The following LUZP2 variants were observed in gnomAD, a reference collection of about 807,000 sequenced individuals.
The protein encoded by LUZP2 is leucine zipper protein 2.
A neutral mutation model predicts 51.6 loss-of-function variants in LUZP2; 52 were observed. The observed-to-expected ratio is 1.01, with a 90% CI of 0.81 to 1.27. The LOEUF is 1.27. LUZP2 is among the 50% of genes most tolerant of loss of function. LUZP2 has a pLI of 0.00. For missense variants in LUZP2, 436 were observed against 395.4 expected, an observed-to-expected ratio of 1.10 and a Z score of -0.87; for synonymous variants, 154 against 137.3, an observed-to-expected ratio of 1.12 and a Z score of -0.85.
intron 1 of LUZP2, among the ~76,000 whole-genome samples, chr11:24,627,216 A>G (rs1046772700): frequency 6.6e-6 from 1 of 152,198 alleles, no homozygotes; most frequent in African/African-American, 2.4e-5. Context: ...TTAATATTTA[A>G]TACCTCAAAG....
intron 1 of LUZP2, among the ~76,000 whole-genome samples, chr11:24,585,224 G>C (rs1853022228): frequency 1.3e-5 from 2 of 151,900 alleles, no homozygotes; most frequent in Non-Finnish European, 2.9e-5. Context: ...CTTCTATTCG[G>C]TGTTTATTTA....
chr11:24,529,702 C>G lies in LUZP2; in HGVS notation c.62+32397C>G, dbSNP rs996066274. Among the ~76,000 whole-genome samples, 21 of 150,922 alleles carry G rather than the reference C, an allele frequency of 1.4e-4. 2 individuals are homozygous for G. In the South Asian group the frequency reaches 3.5e-3, roughly 25 times the overall value. On this transcript the variant is annotated intron_variant, in intron 1 of 11. Transcript: ENST00000336930. ...TCTCCACAAGTAGTGAAATTTCCCCCCATTTAATAGAGCAAAAGAATATGA... is the reference window on the plus strand; with the variant it reads ...TCTCCACAAGTAGTGAAATTTCCCCGCATTTAATAGAGCAAAAGAATATGA...
intron 5 of LUZP2, among the ~76,000 whole-genome samples, chr11:24,836,075 A>C (rs1179760657): frequency 6.6e-6 from 1 of 152,026 alleles, no homozygotes; most frequent in Non-Finnish European, 1.5e-5. Context: ...GTGAGAAGAA[A>C]TTCTGACTGT....
intron 1 of LUZP2, among the ~76,000 whole-genome samples, chr11:24,503,748 A>G (rs1192903501): frequency 2.6e-5 from 4 of 152,162 alleles, no homozygotes; most frequent in Admixed American, 6.6e-5. Flanking sequence ...ACTTTCCACT[A>G]TATTCATTCT....
chr11:24,671,717 G>C (rs900112428), intron 1 of LUZP2, among the ~76,000 whole-genome samples: 13 of 152,028 alleles, frequency 8.6e-5, no homozygotes, highest in Middle Eastern at 3.2e-3. Flanking sequence ...TTATGCAAGA[G>C]AATCTATGAA....
chr11:24,825,617 T>A (rs1286358335), intron 5 of LUZP2, among the ~76,000 whole-genome samples: 1 of 152,146 alleles, frequency 6.6e-6, no homozygotes, highest in African/African-American at 2.4e-5. Flanking sequence ...TTTATTTTGT[T>A]CAAAAAATAA....
chr11:25,057,868 A>T (rs1297768910), intron 10 of LUZP2, among the ~76,000 whole-genome samples: 2 of 152,100 alleles, frequency 1.3e-5, no homozygotes, highest in Non-Finnish European at 2.9e-5. Context: ...CAGAAAATAA[A>T]TTCTAGAGCT....
At chr11:24,921,373 A>T (rs1322579672) in intron 7 of LUZP2, among the ~76,000 whole-genome samples, 1 of 152,054 alleles carries the variant, frequency 6.6e-6, no homozygotes, top group African/African-American at 2.4e-5. Context: ...CTCCCACCTT[A>T]GTCCTTTAAT....
intron 1 of LUZP2, among the ~76,000 whole-genome samples, chr11:24,707,121 C>T (rs1857616971): frequency 6.6e-6 from 1 of 151,728 alleles, no homozygotes; most frequent in Admixed American, 6.6e-5. Context: ...TACAACAGTC[C>T]TTTGATTTTT....
intron 5 of LUZP2, among the ~76,000 whole-genome samples, chr11:24,871,379 T>C (rs553809419): frequency 1.3e-5 from 2 of 152,206 alleles, no homozygotes; most frequent in African/African-American, 2.4e-5. Context: ...AATCCTAGTT[T>C]TTATAATTTT....
At chr11:24,523,981 T>C (rs1284376913) in intron 1 of LUZP2, among the ~76,000 whole-genome samples, 1 of 151,794 alleles carries the variant, frequency 6.6e-6, no homozygotes, top group African/African-American at 2.4e-5. Flanking sequence ...AAAAGTTGAA[T>C]TGATCTTCCC....
intron 1 of LUZP2, among the ~76,000 whole-genome samples, chr11:24,505,522 A>G (rs1402307686): frequency 2.0e-5 from 3 of 152,186 alleles, no homozygotes; most frequent in South Asian, 2.1e-4. Flanking sequence ...AATACAGCTC[A>G]CTATATCGAC....
intron 7 of LUZP2, among the ~76,000 whole-genome samples, chr11:24,919,629 CT>C (rs1247212478): frequency 2.0e-5 from 3 of 147,202 alleles, no homozygotes; most frequent in Non-Finnish European, 4.5e-5. Context: ...GTTACTTAAC[CT>C]TTCACTTATG....
intron 1 of LUZP2, among the ~76,000 whole-genome samples, chr11:24,520,074 G>C (rs1564965790): frequency 6.6e-6 from 1 of 151,990 alleles, no homozygotes; most frequent in East Asian, 1.9e-4. Context: ...TTTTAAAATG[G>C]CATAATAAAG....
intron 5 of LUZP2, among the ~76,000 whole-genome samples, chr11:24,804,095 T>A (rs1849781516): frequency 1.3e-5 from 2 of 152,158 alleles, no homozygotes; most frequent in Non-Finnish European, 2.9e-5. Flanking sequence ...CTTAATTTTC[T>A]GTGGACACTA....
At chr11:24,897,343 T>C (rs1853103768) in intron 5 of LUZP2, among the ~76,000 whole-genome samples, 1 of 152,212 alleles carries the variant, frequency 6.6e-6, no homozygotes, top group African/African-American at 2.4e-5. Flanking sequence ...AGCTTTGTTG[T>C]TTTGCTCTTT....
intron 1 of LUZP2, among the ~76,000 whole-genome samples, chr11:24,587,747 C>T (rs1853121557): frequency 6.6e-6 from 1 of 152,040 alleles, no homozygotes; most frequent in South Asian, 2.1e-4. Flanking sequence ...ATGACACAAT[C>T]TCTGACTTTA....
chr11:24,954,882 G>A (rs1015688979), intron 7 of LUZP2, among the ~76,000 whole-genome samples: 7 of 152,132 alleles, frequency 4.6e-5, no homozygotes, highest in Admixed American at 2.0e-4. Flanking sequence ...GTGGGAATTA[G>A]CATTTCAACT....
intron 1 of LUZP2, among the ~76,000 whole-genome samples, chr11:24,562,756 G>C (rs1246640703): frequency 6.6e-6 from 1 of 151,434 alleles, no homozygotes; most frequent in African/African-American, 2.4e-5. Context: ...TAGCTACTTG[G>C]GAGGCTGAGG....
Sources: allele counts gnomAD v4.1 joint callset (sites outside exome capture counted in the v4.1 genomes callset), GRCh38; gene constraint gnomAD v4.1.1; transcripts MANE v1.5; gene names NCBI Gene and HGNC (gene_info 2026-07-23, HGNC 2026-07-21).